Variants in SGCB observed in about 807,000 individuals in gnomAD.
The protein encoded by SGCB is beta-sarcoglycan.
Under a neutral mutation model 27.3 loss-of-function variants are expected in SGCB, and 25 were observed. That is an observed-to-expected ratio of 0.92 (90% CI 0.67 to 1.28). The LOEUF (loss-of-function observed/expected upper bound fraction) is 1.28. SGCB is among the 50% of genes most tolerant of loss of function. The pLI is 0.00. For synonymous variants in SGCB, 147 were observed against 133.5 expected (o/e 1.10, Z -0.70); for missense variants, 436 against 402.1 (o/e 1.08, Z -0.72).
rs779744199 is a variant in SGCB at position 52,033,438 on chromosome 4, T to C, written c.236A>G (p.Asn79Ser). ...IILLFILAVI[N>S]LIITLVIWAV... The stretch of plus-strand genomic sequence containing the variant: ...ATTCTTACAAATACTCACTATTAAA[T>C]TGATGACAGCCAGGATAAACAAGAG... The change falls in exon 2 of 6, where the codon AAT (asparagine) becomes AGT (serine). Residue 79 changes from asparagine to serine, a missense_variant. By Grantham distance (46) the Asn-to-Ser change is conservative (BLOSUM62 1). Coordinates refer to ENST00000381431, the MANE Select transcript of SGCB (RefSeq NM_000232.5). 2 of 1,606,924 alleles carry C rather than the reference T, an allele frequency of 1.2e-6. No individual in the cohort carries two copies. Among genetic ancestry groups the C allele is most frequent in the East Asian group, 2.2e-5 (1 of 44,822 alleles).
In SGCB at chr4:52,034,331, C is replaced by CAAAAAA. The variant is rs541129158; in HGVS notation, c.34-697_34-692dup. ...TGGGCGACAGAGCGAGACTCCGTCT[C>CAAAAAA]AAAAAAAAAAAAAAAAAAAAAAAAA... On this transcript the variant is annotated intron_variant, in intron 1 of 5. Coordinates refer to ENST00000381431, the MANE Select transcript of SGCB (RefSeq NM_000232.5). Among the ~76,000 whole-genome samples, 35 of 26,514 alleles carry CAAAAAA rather than the reference C, an allele frequency of 1.3e-3. 8 individuals are homozygous for CAAAAAA. The highest frequency in any genetic ancestry group is 8.1e-3 in the East Asian group (5 of 616). 17.4% of individuals were successfully genotyped at this position (26,514 alleles called of 152,430 possible). A position where few individuals can be genotyped will look rare whatever the true frequency, so the allele number is the denominator to read the frequency against.
rs1425054799 is a variant in SGCB at position 52,033,445 on chromosome 4, C to G, written c.229G>C (p.Val77Leu). The change falls in exon 2 of 6, where the codon GTC becomes CTC. Residue 77 changes from valine (V) to leucine (L), a missense_variant. Transcript: ENST00000381431. ...CAAATACTCACTATTAAATTGATGACAGCCAGGATAAACAAGAGGATAATC... is the reference window on the plus strand; with the variant it reads ...CAAATACTCACTATTAAATTGATGAGAGCCAGGATAAACAAGAGGATAATC... ...CVIILLFILA[V>L]INLIITLVIW... 6 of 1,610,564 alleles carry G rather than the reference C, an allele frequency of 3.7e-6. No homozygotes were observed. Among genetic ancestry groups the G allele is most frequent in the Middle Eastern group, 1.7e-4 (1 of 6,052 alleles).
chr4:52,029,936 T>C, intron 2 of SGCB, 73 bp from the exon 3 acceptor site: 1 of 1,141,732 alleles, frequency 8.8e-7, no homozygotes. Flanking sequence ...ATAGAAAATA[T>C]TATCACCAAA....
chr4:52,032,613 T>C (rs1013734883), intron 2 of SGCB, among the ~76,000 whole-genome samples: 3 of 152,226 alleles, frequency 2.0e-5, no homozygotes, highest in Non-Finnish European at 4.4e-5. Flanking sequence ...AAGAGGTCTT[T>C]CTGATTTGAG....
intron 3 of SGCB, among the ~76,000 whole-genome samples, 193 bp downstream of exon 3, chr4:52,029,482 GTAT>G (rs770214874): frequency 2.6e-5 from 4 of 151,870 alleles, no homozygotes; most frequent in African/African-American, 7.3e-5. Context: ...AAAAGCAATA[GTAT>G]TATTAAATAT....
intron 5 of SGCB, among the ~76,000 whole-genome samples, chr4:52,024,826 TCA>T (rs774990013): frequency 0.15 from 8,471 of 56,310 alleles, 376 homozygotes; most frequent in Middle Eastern, 0.27. Flanking sequence ...AGACACTGTC[TCA>T]AAAAAAAAAA....
chr4:52,034,470 C>T lies in SGCB; in HGVS notation c.34-830G>A, dbSNP rs568612310. The stretch of plus-strand genomic sequence containing the variant: ...ATAACAACTGTTTACATAGTGTTTA[C>T]ATTGTGTTCAGTGTTGTAAGTAATC... On this transcript the variant is annotated intron_variant, in intron 1 of 5. Coordinates refer to ENST00000381431, the MANE Select transcript of SGCB (RefSeq NM_000232.5). Among the ~76,000 whole-genome samples the T allele has an allele frequency of 2.1e-5, 3 of 143,604 alleles. No homozygotes were observed. The South Asian group carries it at 7.1e-4, about 34-fold the overall frequency. The allele number at this position is 143,604 out of a possible 152,430, so 94.2% of individuals were successfully genotyped here. A position where few individuals can be genotyped will look rare whatever the true frequency, so the allele number is the denominator to read the frequency against.
In SGCB at chr4:52,027,553, T is replaced by A. The variant is rs900550308; in HGVS notation, c.753+415A>T. Among the ~76,000 whole-genome samples, 6 of 151,030 alleles carry A rather than the reference T, an allele frequency of 4.0e-5. No individual in the cohort carries two copies. In the East Asian group the frequency reaches 1.2e-3, roughly 29 times the overall value. On this transcript the variant is annotated intron_variant, in intron 5 of 5. Coordinates refer to ENST00000381431, the MANE Select transcript of SGCB (RefSeq NM_000232.5). Reference sequence around the variant, plus strand: ...AAAAACAACAACTACAAGGCATGAATATTTACTTTGATCTTCCAGAATTCT... The same window carrying A: ...AAAAACAACAACTACAAGGCATGAAAATTTACTTTGATCTTCCAGAATTCT...
intron 5 of SGCB, among the ~76,000 whole-genome samples, 196 bp from the exon 6 acceptor site, chr4:52,024,356 C>T (rs896477258): frequency 6.6e-6 from 1 of 152,076 alleles, no homozygotes; most frequent in Non-Finnish European, 1.5e-5. Flanking sequence ...TTCATATATC[C>T]ATAACATATG....
chr4:52,028,791 T>A lies in SGCB; in HGVS notation c.560A>T (p.His187Leu). Residue 187 changes from histidine to leucine, a missense_variant, in exon 4 of 6, where the codon CAT (histidine) becomes CTT (leucine). Physicochemically the swap from His to Leu is moderately conservative, Grantham distance 99. Coordinates refer to ENST00000381431, the MANE Select transcript of SGCB (RefSeq NM_000232.5). ...CACTCCACTTGGCAAATGAAACTCA[T>A]GAGTTTCATAGTCTGTGCTGAATAA... ...NILFSTDYET[H>L]EFHLPSGVKS... 6.2e-7 allele frequency: 1 copy of A among 1,613,880 alleles called. No individual in the cohort carries two copies. The highest frequency in any genetic ancestry group is 1.1e-5 in the South Asian group (1 of 91,060).
intron 4 of SGCB, 99 bp downstream of exon 4, chr4:52,028,631 G>A (rs1291718511): frequency 6.6e-5 from 63 of 952,158 alleles, no homozygotes; most frequent in African/African-American, 2.6e-4. Context: ...GCGAAACTCC[G>A]TCTCAAAAAA....
chr4:52,033,756 A>G (rs1737312025), intron 1 of SGCB, 116 bp from the exon 2 acceptor site: 4 of 783,622 alleles, frequency 5.1e-6, no homozygotes, highest in Non-Finnish European at 6.7e-6. Flanking sequence ...CACATTTTCC[A>G]TGAATAAACT....
At chr4:52,031,976 T>C (rs1389857632) in intron 2 of SGCB, 5 of 455,876 alleles carry the variant, frequency 1.1e-5, no homozygotes, top group Non-Finnish European at 2.2e-5. Flanking sequence ...AGGTGGAGAA[T>C]GAGGAAAAGA....
chr4:52,023,049 G>C lies in SGCB; in HGVS notation c.*908C>G, dbSNP rs1293331600. ...AATAATTAAAAAGTCAGTGCAGAGA[G>C]TGAAAACAACATGGCATTTGGAATC... On this transcript the variant is annotated 3_prime_UTR_variant, in exon 6 of 6. Coordinates refer to ENST00000381431, the MANE Select transcript of SGCB (RefSeq NM_000232.5). The C allele has an allele frequency of 6.6e-6, 1 of 152,176 alleles. No homozygotes were observed. The highest frequency in any genetic ancestry group is 6.5e-5 in the Admixed American group (1 of 15,276). The allele number at this position is 152,176 out of a possible 1,614,324, so 9.4% of individuals were successfully genotyped here.
At chr4:52,036,918 A>C (rs953935398) in intron 1 of SGCB, among the ~76,000 whole-genome samples, 1 of 152,222 alleles carries the variant, frequency 6.6e-6, no homozygotes, top group African/African-American at 2.4e-5. Flanking sequence ...AGTAAGTATG[A>C]CAGAGTCCAG....
At position 52,027,987 on chromosome 4, in the gene SGCB, C is replaced by T; in HGVS notation, c.734G>A (p.Gly245Asp). The T allele has an allele frequency of 6.2e-6, 10 of 1,613,828 alleles. No individual in the cohort carries two copies. Among genetic ancestry groups the T allele is most frequent in the Non-Finnish European group, 7.6e-6 (9 of 1,179,788 alleles). ...MGKTIEFHMGGNMELKAENSI... is the reference protein window; with the variant it reads ...MGKTIEFHMGDNMELKAENSI... ...ACTCACCGCCTTTAACTCCATATTA[C>T]CACCCATGTGAAATTCAATGGTTTT... Residue 245 changes from glycine to aspartate, a missense_variant, in exon 5 of 6, where the codon GGT becomes GAT. Coordinates refer to ENST00000381431, the MANE Select transcript of SGCB (RefSeq NM_000232.5).
intron 5 of SGCB, among the ~76,000 whole-genome samples, chr4:52,025,428 C>G (rs1292213728): frequency 6.6e-6 from 1 of 152,028 alleles, no homozygotes; most frequent in Non-Finnish European, 1.5e-5. Context: ...GAAGGGTACT[C>G]AAAGCAGAGG....
chr4:52,038,084 C>CCCCCCCCCCCCAAA, intron 1 of SGCB, 143 bp downstream of exon 1: 3 of 182,058 alleles, frequency 1.6e-5, no homozygotes, highest in Non-Finnish European at 3.1e-5. Context: ...CCTCCCGCCC[C>CCCCCCCCCCCCAAA]GCCCCGCCCC....
At position 52,024,053 on chromosome 4, in the gene SGCB, G is replaced by C. The variant is rs1021753591; in HGVS notation, c.861C>G (p.Leu287=). 2.5e-6 allele frequency: 4 copies of C among 1,614,100 alleles called. No homozygotes were observed. In the Admixed American group the frequency reaches 6.7e-5, roughly 27 times the overall value. ...AGAGCGTCCCATCAGCACACATGCA[G>C]AGCTTGTAGCGTACCCAGTCACCAC... ...LGSGDWVRYK[L]CMCADGTLFK... is the part of the protein sequence containing the mutation. The change falls in exon 6 of 6, where the codon CTC becomes CTG. Residue 287 remains leucine (L), a synonymous_variant. Transcript: ENST00000381431.
Sources: allele counts gnomAD v4.1 joint callset (sites outside exome capture counted in the v4.1 genomes callset), GRCh38; gene constraint gnomAD v4.1.1; transcripts MANE v1.5; gene names NCBI Gene and HGNC (gene_info 2026-07-23, HGNC 2026-07-21).